The following FOXRED1 variants were observed in gnomAD, a reference collection of about 807,000 sequenced individuals.
FOXRED1 encodes FAD-dependent oxidoreductase domain-containing protein 1.
A neutral mutation model predicts 57.8 loss-of-function variants in FOXRED1; 52 were observed. The ratio of observed to expected loss-of-function variants is 0.90; its 90% CI spans 0.72 to 1.13. The LOEUF (loss-of-function observed/expected upper bound fraction) is 1.13. Ranked by LOEUF, FOXRED1 falls within the 50% of genes most tolerant of loss-of-function variation. FOXRED1 has a pLI of 0.00. For missense variants in FOXRED1, 589 were observed against 625.2 expected, an observed-to-expected ratio of 0.94 and a Z score of 0.62; for synonymous variants, 271 against 248.3, an observed-to-expected ratio of 1.09 and a Z score of -0.86.
chr11:126,271,414 C>T lies in FOXRED1; in HGVS notation c.86-23C>T. 1 of 1,576,056 alleles carries T rather than the reference C, an allele frequency of 6.3e-7. No individual in the cohort carries two copies. The highest frequency in any genetic ancestry group is 2.2e-5 in the East Asian group (1 of 44,690). On this transcript the variant is annotated intron_variant, in intron 1 of 10. Coordinates refer to ENST00000263578, the MANE Select transcript of FOXRED1 (RefSeq NM_017547.4). The surrounding 1 kb of genome is among the most constrained non-coding windows in gnomAD (Gnocchi z 5.3). Reference sequence around the variant, plus strand: ...ATGTGGGAAGGAAATGTTTGGCCCTCTGACCCTAACTACATCCCACAGACT... The same window carrying T: ...ATGTGGGAAGGAAATGTTTGGCCCTTTGACCCTAACTACATCCCACAGACT...
Position 126,271,510 on chromosome 11 carries a change from G to A in FOXRED1, c.159G>A (p.Leu53=). The change falls in exon 2 of 11, where the codon CTG becomes CTA. Residue 53 remains leucine (L), a synonymous_variant. Transcript: ENST00000263578. The surrounding 1 kb of genome is among the most constrained non-coding windows in gnomAD (Gnocchi z 5.3). ...TGCCTGGAAGGTCCTGTGATCTACT[G>A]CAAGACACCAGCCACCTGCCTCCCG... ...SILPGRSCDL[L]QDTSHLPPEH... 1.9e-6 allele frequency: 3 copies of A among 1,614,220 alleles called. No homozygotes were observed. Among genetic ancestry groups the A allele is most frequent in the Non-Finnish European group, 2.5e-6 (3 of 1,180,022 alleles).
rs1951085850 is a variant in FOXRED1, at chr11:126,274,840, C to A, written c.537-87C>A. 8 of 834,116 alleles carry A rather than the reference C, an allele frequency of 9.6e-6. No individual in the cohort carries two copies. The Admixed American group carries it at 1.2e-4, about 12-fold the overall frequency. The allele number at this position is 834,116 out of a possible 1,614,324, so 51.7% of individuals were successfully genotyped here. A position where few individuals can be genotyped will look rare whatever the true frequency, so the allele number is the denominator to read the frequency against. ...GAAGTGACATGACTGAGCTGGACTC[C>A]CCACTTGTGGAGTTGGGGTCCATAC... On this transcript the variant is annotated intron_variant, in intron 4 of 10. Coordinates refer to ENST00000263578, the MANE Select transcript of FOXRED1 (RefSeq NM_017547.4). The surrounding 1 kb of genome is among the most constrained non-coding windows in gnomAD (Gnocchi z 4.8).
intron 9 of FOXRED1, 176 bp from the exon 10 acceptor site, chr11:126,276,895 A>G (rs1425327539): frequency 3.2e-6 from 2 of 619,804 alleles, no homozygotes; most frequent in Non-Finnish European, 5.8e-6. Context: ...AAAAAAGAAA[A>G]AGAATCAGCC....
Position 126,271,252 on chromosome 11 carries a change from A to T in FOXRED1, c.86-185A>T. The T allele has an allele frequency of 1.5e-6, 1 of 649,566 alleles. No homozygotes were observed. Among genetic ancestry groups the T allele is most frequent in the Non-Finnish European group, 2.8e-6 (1 of 356,476 alleles). The allele number at this position is 649,566 out of a possible 1,614,324, so 40.2% of individuals were successfully genotyped here. Reference sequence around the variant, plus strand: ...CACAATGCATGAAGAGACTGATGGCATGTGGACTATTCAGAAAACTGTGGC... The same window carrying T: ...CACAATGCATGAAGAGACTGATGGCTTGTGGACTATTCAGAAAACTGTGGC... On this transcript the variant is annotated intron_variant, in intron 1 of 10. Coordinates refer to ENST00000263578, the MANE Select transcript of FOXRED1 (RefSeq NM_017547.4). The surrounding 1 kb of genome is among the most constrained non-coding windows in gnomAD (Gnocchi z 5.3).
In FOXRED1 at chr11:126,277,744, C is replaced by T. The variant is rs1446537602; in HGVS notation, c.*55C>T. ...CTTGCATCCTGGCTGTGTTCACAGC[C>T]TTGTTTGCTGCTTCCATCTTCCCCA... On this transcript the variant is annotated 3_prime_UTR_variant, in exon 11 of 11. Coordinates refer to ENST00000263578, the MANE Select transcript of FOXRED1 (RefSeq NM_017547.4). The surrounding 1 kb of genome is among the most constrained non-coding windows in gnomAD (Gnocchi z 6.8). 1 of 1,587,748 alleles carries T rather than the reference C, an allele frequency of 6.3e-7. No homozygotes were observed. The highest frequency in any genetic ancestry group is 1.7e-5 in the Admixed American group (1 of 59,986).
chr11:126,275,743 T>G lies in FOXRED1; in HGVS notation c.734-51T>G. On this transcript the variant is annotated intron_variant, in intron 6 of 10. Transcript: ENST00000263578. The surrounding 1 kb of genome is among the most constrained non-coding windows in gnomAD (Gnocchi z 5.9). ...TTAAGAAACCAGTGAAATCCCCATT[T>G]CATTCCTCTTCAGCACCTCTACGGC... 1 of 1,236,434 alleles carries G rather than the reference T, an allele frequency of 8.1e-7. No homozygotes were observed. The highest frequency in any genetic ancestry group is 1.2e-5 in the South Asian group (1 of 83,420). The allele number at this position is 1,236,434 out of a possible 1,614,324, so 76.6% of individuals were successfully genotyped here.
In FOXRED1 at chr11:126,276,542, G is replaced by T. The variant is rs2135268178; in HGVS notation, c.1101+19G>T. The T allele has an allele frequency of 1.9e-6, 3 of 1,601,016 alleles. No homozygotes were observed. Among genetic ancestry groups the T allele is most frequent in the East Asian group, 4.5e-5 (2 of 44,168 alleles). ...CACTGAGGTAAGCTGAGTGGGGTGGGACATGCTGGCAAGGAGACATAGAAT... is the reference window on the plus strand; with the variant it reads ...CACTGAGGTAAGCTGAGTGGGGTGGTACATGCTGGCAAGGAGACATAGAAT... On this transcript the variant is annotated intron_variant, in intron 9 of 10. Transcript: ENST00000263578.
Position 126,276,402 on chromosome 11 carries a change from A to G in FOXRED1, c.980A>G (p.Tyr327Cys), listed in dbSNP as rs775933882. 1 of 1,273,908 alleles carries G rather than the reference A, an allele frequency of 7.8e-7. No homozygotes were observed. Among genetic ancestry groups the G allele is most frequent in the Non-Finnish European group, 1.0e-6 (1 of 973,234 alleles). 78.9% of individuals were successfully genotyped at this position (1,273,908 alleles called of 1,614,324 possible). Residue 327 changes from tyrosine (Y) to cysteine (C), a missense_variant, in exon 9 of 11, where the codon TAT becomes TGT. Physicochemically the swap from Tyr to Cys is radical, Grantham distance 194 (BLOSUM62 -2). Transcript: ENST00000263578. ...CGCACTGGTTGTGGCAGGTATGTGT[A>G]TGTGTGGCACTGCCCCCAGGGACCA... Reference protein sequence around the residue: ...LPVEPRKRYVYVWHCPQGPGL... With the variant: ...LPVEPRKRYVCVWHCPQGPGL...
chr11:126,276,263 G>A (rs758160028), intron 8 of FOXRED1, 44 bp downstream of exon 8: 2 of 1,554,246 alleles, frequency 1.3e-6, no homozygotes, highest in Admixed American at 1.9e-5. Flanking sequence ...GAGAAAGAAA[G>A]AAATGACATC....
chr11:126,276,310 T>TGC, intron 8 of FOXRED1, 84 bp from the exon 9 acceptor site: 1 of 1,383,736 alleles, frequency 7.2e-7, no homozygotes, highest in Non-Finnish European at 9.8e-7. Flanking sequence ...TGTGTGTGTG[T>TGC]GTGTGGGGTG....
rs1951097796 is a variant in FOXRED1 at position 126,275,277 on chromosome 11, A to G, written c.632-50A>G. On this transcript the variant is annotated intron_variant, in intron 5 of 10. Transcript: ENST00000263578. This position sits in a 1 kb window ranked among gnomAD's most constrained non-coding sequence, Gnocchi z 5.9. ...TGGGGGGCACAGGAAATACAATCCA[A>G]GAGCAGAAGTCCTCATCCCTCTTTG... The G allele has an allele frequency of 7.4e-7, 1 of 1,344,714 alleles. No homozygotes were observed. Among genetic ancestry groups the G allele is most frequent in the Admixed American group, 1.7e-5 (1 of 59,644 alleles). The allele number at this position is 1,344,714 out of a possible 1,614,324, so 83.3% of individuals were successfully genotyped here.
At position 126,277,863 on chromosome 11, in the gene FOXRED1, C is replaced by G. The variant is rs766381241; in HGVS notation, c.*174C>G. The G allele has an allele frequency of 6.8e-6, 5 of 738,756 alleles. No individual in the cohort carries two copies. In the African/African-American group the frequency reaches 8.6e-5, roughly 13 times the overall value. The allele number at this position is 738,756 out of a possible 1,614,324, so 45.8% of individuals were successfully genotyped here. ...GCTGGGCAGGCACAGGCAGTGAGGC[C>G]GAGGCCAATAGCGAGTGATGAGCGG... On this transcript the variant is annotated 3_prime_UTR_variant, in exon 11 of 11. Coordinates refer to ENST00000263578, the MANE Select transcript of FOXRED1 (RefSeq NM_017547.4). This position sits in a 1 kb window ranked among gnomAD's most constrained non-coding sequence, Gnocchi z 6.8.
Position 126,277,676 on chromosome 11 carries a change from A to T in FOXRED1, c.1448A>T (p.Asn483Ile). The T allele has an allele frequency of 6.2e-7, 1 of 1,613,610 alleles. No homozygotes were observed. The highest frequency in any genetic ancestry group is 8.5e-7 in the Non-Finnish European group (1 of 1,180,030). The part of the protein sequence containing the change: ...RFYLGEKIQE[N>I]NII ...TACTTGGGAGAGAAGATCCAGGAGA[A>T]CAACATCATCTGAGCATGTGTGCTC... The change falls in exon 11 of 11, where the codon AAC becomes ATC. Residue 483 changes from asparagine (N) to isoleucine (I), a missense_variant. Transcript: ENST00000263578. The surrounding 1 kb of genome is among the most constrained non-coding windows in gnomAD (Gnocchi z 6.8).
In FOXRED1 at chr11:126,277,498, C is replaced by T; in HGVS notation, c.1270C>T (p.Pro424Ser). 6.2e-7 allele frequency: 1 copy of T among 1,613,550 alleles called. No homozygotes were observed. Among genetic ancestry groups the T allele is most frequent in the Non-Finnish European group, 8.5e-7 (1 of 1,179,972 alleles). The change falls in exon 11 of 11, where the codon CCC becomes TCC. Residue 424 changes from proline to serine, a missense_variant. By Grantham distance (74) the Pro-to-Ser change is moderately conservative. Coordinates refer to ENST00000263578, the MANE Select transcript of FOXRED1 (RefSeq NM_017547.4). This position sits in a 1 kb window ranked among gnomAD's most constrained non-coding sequence, Gnocchi z 6.8. ...CTTTGACCAGAATGGCGTGGTGGGC[C>T]CCCACCCGCTAGTTGTCAACATGTA... ...NTFDQNGVVG[P>S]HPLVVNMYFA... is the part of the protein sequence containing the mutation.
Position 126,275,607 on chromosome 11 carries a change from A to G in FOXRED1, c.733+179A>G. ...GTTGTGACTTGTGATCTGCTTGATGATTGCACCTGAGCACTGTCCTGTCAG... is the reference window on the plus strand; with the variant it reads ...GTTGTGACTTGTGATCTGCTTGATGGTTGCACCTGAGCACTGTCCTGTCAG... On this transcript the variant is annotated intron_variant, in intron 6 of 10. Coordinates refer to ENST00000263578, the MANE Select transcript of FOXRED1 (RefSeq NM_017547.4). The surrounding 1 kb of genome is among the most constrained non-coding windows in gnomAD (Gnocchi z 5.9). The G allele has an allele frequency of 1.4e-6, 1 of 717,706 alleles. No individual in the cohort carries two copies. The highest frequency in any genetic ancestry group is 2.7e-5 in the East Asian group (1 of 37,266). The allele number at this position is 717,706 out of a possible 1,614,324, so 44.5% of individuals were successfully genotyped here. A position where few individuals can be genotyped will look rare whatever the true frequency, so the allele number is the denominator to read the frequency against.
At position 126,275,804 on chromosome 11, in the gene FOXRED1, T is replaced by G; in HGVS notation, c.744T>G (p.Ser248=). Residue 248 remains serine (S), a synonymous_variant, in exon 7 of 11, where the codon TCT becomes TCG. Transcript: ENST00000263578. This position sits in a 1 kb window ranked among gnomAD's most constrained non-coding sequence, Gnocchi z 5.9. The part of the protein sequence containing the change: ...FCQGEVTRFV[S]SSQRMLTTDD... ...TTTTCTTCTCTGCAGGTTTTGTCTC[T>G]TCATCTCAACGCATGTTGACCACAG... 1 of 1,611,004 alleles carries G rather than the reference T, an allele frequency of 6.2e-7. No homozygotes were observed. Among genetic ancestry groups the G allele is most frequent in the East Asian group, 2.2e-5 (1 of 44,874 alleles).
In FOXRED1 at chr11:126,271,284, G is replaced by C. The variant is rs1199621742; in HGVS notation, c.86-153G>C. ...CTATTCAGAAAACTGTGGCAACACT[G>C]TTGGGTGCAAGGTGACCTTATGAGA... On this transcript the variant is annotated intron_variant, in intron 1 of 10. Transcript: ENST00000263578. This position sits in a 1 kb window ranked among gnomAD's most constrained non-coding sequence, Gnocchi z 5.3. The C allele has an allele frequency of 1.4e-6, 1 of 691,248 alleles. No homozygotes were observed. Among genetic ancestry groups the C allele is most frequent in the African/African-American group, 1.8e-5 (1 of 57,070 alleles). 42.8% of individuals were successfully genotyped at this position (691,248 alleles called of 1,614,324 possible). A position where few individuals can be genotyped will look rare whatever the true frequency, so the allele number is the denominator to read the frequency against.
At position 126,273,467 on chromosome 11, in the gene FOXRED1, C is replaced by T; in HGVS notation, c.536+13C>T. 6.4e-7 allele frequency: 1 copy of T among 1,560,776 alleles called. No individual in the cohort carries two copies. Among genetic ancestry groups the T allele is most frequent in the Non-Finnish European group, 8.8e-7 (1 of 1,131,792 alleles). ...TGAAAGTGCAGAGGTGGGTGCCTGG[C>T]ACAGCCTCTTAGCTGCTTGGCAGCC... On this transcript the variant is annotated intron_variant, in intron 4 of 10. Coordinates refer to ENST00000263578, the MANE Select transcript of FOXRED1 (RefSeq NM_017547.4). This position sits in a 1 kb window ranked among gnomAD's most constrained non-coding sequence, Gnocchi z 5.9.
In FOXRED1 at chr11:126,273,363, C is replaced by T. The variant is rs759917961; in HGVS notation, c.445C>T (p.Pro149Ser). The change falls in exon 4 of 11, where the codon CCC becomes TCC. Residue 149 changes from proline to serine, a missense_variant. Transcript: ENST00000263578. The surrounding 1 kb of genome is among the most constrained non-coding windows in gnomAD (Gnocchi z 5.9). ...GTACCTGGCCGTAGTCGATGCTCCT[C>T]CCCTGGACCTCCGGTTCAACCCCTC... ...NEYLAVVDAP[P>S]LDLRFNPSGY... 2.5e-6 allele frequency: 4 copies of T among 1,613,758 alleles called. No individual in the cohort carries two copies. The highest frequency in any genetic ancestry group is 3.3e-5 in the Admixed American group (2 of 60,026).
Sources: gnomAD v4.1 joint callset for allele counts on GRCh38, gnomAD v4.1.1 for gene constraint, Gnocchi (gnomAD v3.1) non-coding constraint, MANE v1.5 for transcripts, NCBI Gene and HGNC (gene_info 2026-07-23, HGNC 2026-07-21) for gene names.